Variants in FBN1 observed in about 807,000 individuals in gnomAD.
FBN1 encodes the protein fibrillin-1.
A neutral mutation model predicts 365.1 loss-of-function variants in FBN1; 29 were observed. The observed-to-expected ratio is 0.08, with a 90% CI of 0.06 to 0.11. The LOEUF (loss-of-function observed/expected upper bound fraction) is 0.11. FBN1 is among the 10% of genes least tolerant of loss of function. The probability of loss-of-function intolerance (pLI) is 1.00; values close to 1 mark genes in which losing one functional copy is unlikely to be tolerated. For synonymous variants in FBN1, 1,210 were observed against 1,270.5 expected, an observed-to-expected ratio of 0.95 and a Z score of 1.01; for missense variants, 2,476 against 3,703.2, an observed-to-expected ratio of 0.67 and a Z score of 8.60.
At chr15:48,525,450 ACACT>A (rs764003202) in intron 9 of FBN1, among the ~76,000 whole-genome samples, 2 of 152,184 alleles carry the variant, frequency 1.3e-5, no homozygotes, top group Admixed American at 6.5e-5. Flanking sequence ...TGGAAGTCTA[ACACT>A]CACAGCAGAT....
chr15:48,483,567 G>A (rs949335796), intron 31 of FBN1, among the ~76,000 whole-genome samples: 4 of 152,162 alleles, frequency 2.6e-5, no homozygotes, highest in African/African-American at 9.7e-5. Context: ...TAATGGATAG[G>A]CATAAAAGAA....
At chr15:48,490,214 C>T in intron 24 of FBN1, 136 bp from the exon 25 acceptor site, 1 of 816,696 alleles carries the variant, frequency 1.2e-6, no homozygotes, top group South Asian at 1.6e-5. Context: ...AGTTTTATTC[C>T]TCAAAAAAAA....
chr15:48,592,839 A>G (rs1220371253), intron 6 of FBN1, among the ~76,000 whole-genome samples: 2 of 152,160 alleles, frequency 1.3e-5, no homozygotes, highest in Non-Finnish European at 2.9e-5. Context: ...GACAAACTAG[A>G]AGATGTATTT....
At chr15:48,541,166 A>G (rs2044055027) in intron 6 of FBN1, among the ~76,000 whole-genome samples, 1 of 152,146 alleles carries the variant, frequency 6.6e-6, no homozygotes, top group Non-Finnish European at 1.5e-5. Flanking sequence ...TCTTATTTCA[A>G]TATGAAATAC....
intron 2 of FBN1, among the ~76,000 whole-genome samples, chr15:48,635,325 A>C (rs1265256115): frequency 6.6e-6 from 1 of 152,240 alleles, no homozygotes; most frequent in African/African-American, 2.4e-5. Context: ...AAGTTGAAAA[A>C]GTGGTAGTCA....
intron 63 of FBN1, among the ~76,000 whole-genome samples, chr15:48,419,735 G>A (rs2042925881): frequency 6.6e-6 from 1 of 152,204 alleles, no homozygotes; most frequent in Non-Finnish European, 1.5e-5. Flanking sequence ...CTGCAATGCA[G>A]AGCCTGCACC....
chr15:48,539,442 A>T (rs2044039728), intron 6 of FBN1, among the ~76,000 whole-genome samples: 1 of 152,196 alleles, frequency 6.6e-6, no homozygotes, highest in Non-Finnish European at 1.5e-5. Context: ...CCTCCATGCC[A>T]GTGTTATGTC....
chr15:48,428,222 T>C, intron 57 of FBN1, 124 bp downstream of exon 57: 1 of 1,295,166 alleles, frequency 7.7e-7, no homozygotes, highest in Non-Finnish European at 1.1e-6. Context: ...ATCTCCAAAA[T>C]ATGAACATTT....
chr15:48,533,482 G>A (rs2043989464), intron 8 of FBN1, among the ~76,000 whole-genome samples: 1 of 152,076 alleles, frequency 6.6e-6, no homozygotes, highest in Non-Finnish European at 1.5e-5. Context: ...CACATCCTCT[G>A]TATATATATT....
intron 45 of FBN1, among the ~76,000 whole-genome samples, chr15:48,449,186 G>A (rs2043181517): frequency 6.6e-6 from 1 of 152,172 alleles, no homozygotes; most frequent in Non-Finnish European, 1.5e-5. Context: ...AGGATTTTCT[G>A]TTTGATTATC....
chr15:48,474,176 A>G (rs1278566145), intron 34 of FBN1, 79 bp downstream of exon 34: 1 of 1,600,144 alleles, frequency 6.2e-7, no homozygotes, highest in East Asian at 2.2e-5. Flanking sequence ...TCTTCAAAAA[A>G]GAATTGCTAG....
chr15:48,603,520 C>T (rs1454248713), intron 4 of FBN1, among the ~76,000 whole-genome samples: 1 of 152,138 alleles, frequency 6.6e-6, no homozygotes, highest in African/African-American at 2.4e-5. Flanking sequence ...AGAATATATA[C>T]CGAAATTGGT....
intron 46 of FBN1, among the ~76,000 whole-genome samples, 158 bp downstream of exon 46, chr15:48,448,610 G>A (rs1329575311): frequency 1.3e-5 from 2 of 152,124 alleles, no homozygotes; most frequent in East Asian, 1.9e-4. Context: ...GATTGCCAAA[G>A]ATTAAATAGG....
At chr15:48,518,222 T>G (rs2043820657) in intron 10 of FBN1, among the ~76,000 whole-genome samples, 1 of 152,198 alleles carries the variant, frequency 6.6e-6, no homozygotes, top group Non-Finnish European at 1.5e-5. Flanking sequence ...TCCTATAGAT[T>G]TATCATCTGT....
intron 6 of FBN1, among the ~76,000 whole-genome samples, chr15:48,572,178 T>C (rs927211379): frequency 6.6e-6 from 1 of 152,178 alleles, no homozygotes; most frequent in African/African-American, 2.4e-5. Context: ...TTATCTATTA[T>C]GAATATGGAT....
chr15:48,411,497 C>T (rs2042863826), intron 65 of FBN1, 118 bp from the exon 66 acceptor site: 3 of 887,886 alleles, frequency 3.4e-6, no homozygotes, highest in Non-Finnish European at 3.7e-6. Flanking sequence ...ATGCTGCATA[C>T]ACAATATTGA....
intron 63 of FBN1, 94 bp from the exon 64 acceptor site, chr15:48,415,861 C>G (rs950150613): frequency 1.0e-6 from 1 of 983,024 alleles, no homozygotes; most frequent in Non-Finnish European, 1.6e-6. Context: ...CCAGCTGGCC[C>G]TCAGCTAGGC....
At chr15:48,418,530 G>A (rs1013550387) in intron 63 of FBN1, among the ~76,000 whole-genome samples, 2 of 152,100 alleles carry the variant, frequency 1.3e-5, no homozygotes, top group African/African-American at 4.8e-5. Context: ...TTGTGCACTC[G>A]CCCTTTTTAT....
chr15:48,507,813 A>G (rs928619457), intron 15 of FBN1, among the ~76,000 whole-genome samples: 2 of 152,134 alleles, frequency 1.3e-5, no homozygotes, highest in African/African-American at 4.8e-5. Context: ...GAGGTTCTTT[A>G]AGAAGTCTGG....
Sources: gnomAD v4.1 joint callset for allele counts (sites outside exome capture counted in the v4.1 genomes callset) on GRCh38, gnomAD v4.1.1 for gene constraint, MANE v1.5 for transcripts, NCBI Gene and HGNC (gene_info 2026-07-23, HGNC 2026-07-21) for gene names.